STAU2: variants seen among roughly 807,000 people sequenced by gnomAD.
STAU2 encodes staufen double-stranded RNA binding protein 2.
STAU2 carries 20 observed loss-of-function variants against 65.9 expected under a neutral mutation model. That is an observed-to-expected ratio of 0.30 (90% confidence interval 0.21 to 0.44). The LOEUF (loss-of-function observed/expected upper bound fraction) is 0.44. Ranked by LOEUF, STAU2 falls within the 20% of genes least tolerant of loss-of-function variation. The pLI is 1.00. For synonymous variants in STAU2, 232 were observed against 233.9 expected (o/e 0.99, Z 0.07); for missense variants, 558 against 683.9 (o/e 0.82, Z 2.05).
At chr8:73,506,236 T>C (rs541239894) in intron 13 of STAU2, among the ~76,000 whole-genome samples, 2 of 152,272 alleles carry the variant, frequency 1.3e-5, no homozygotes, top group African/African-American at 4.8e-5. Context: ...TCTGAGAACA[T>C]TTTCATCACC....
At chr8:73,705,923 C>A (rs556083952) in intron 4 of STAU2, among the ~76,000 whole-genome samples, 2 of 152,058 alleles carry the variant, frequency 1.3e-5, no homozygotes, top group Non-Finnish European at 2.9e-5. Flanking sequence ...TGAGTCATTT[C>A]AGAGCTTTAA....
At chr8:73,720,270 C>CAAAAAAAAAAAAAAAA (rs145378789) in intron 3 of STAU2, among the ~76,000 whole-genome samples, 3 of 139,810 alleles carry the variant, frequency 2.1e-5, no homozygotes, top group African/African-American at 8.3e-5. Context: ...GACCCTGTCT[C>CAAAAAAAAAAAAAAAA]AAAAAAAAAG....
intron 10 of STAU2, among the ~76,000 whole-genome samples, chr8:73,596,799 T>C (rs1811222641): frequency 6.6e-6 from 1 of 152,082 alleles, no homozygotes; most frequent in South Asian, 2.1e-4. Flanking sequence ...CAGTGAACCG[T>C]GATCACATCA....
intron 6 of STAU2, among the ~76,000 whole-genome samples, chr8:73,640,525 G>A (rs1814876802): frequency 6.6e-6 from 1 of 152,144 alleles, no homozygotes; most frequent in African/African-American, 2.4e-5. Context: ...CAATACTGCT[G>A]TTGTATTGAG....
At chr8:73,672,942 A>T in intron 6 of STAU2, 165 bp downstream of exon 6, 1 of 583,852 alleles carries the variant, frequency 1.7e-6, no homozygotes. Flanking sequence ...GGGTTTCTTT[A>T]AGTTATTAAT....
At chr8:73,672,974 G>T in intron 6 of STAU2, 133 bp downstream of exon 6, 1 of 797,246 alleles carries the variant, frequency 1.3e-6, no homozygotes, top group Non-Finnish European at 1.7e-6. Context: ...TTGTGAACCT[G>T]CTTTATCTAA....
At chr8:73,651,392 A>C in intron 6 of STAU2, 1 of 668,184 alleles carries the variant, frequency 1.5e-6, no homozygotes, top group Non-Finnish European at 2.8e-6. Flanking sequence ...GGCCAGGGAA[A>C]TGCAGCTGTC....
intron 13 of STAU2, among the ~76,000 whole-genome samples, chr8:73,429,055 C>CA (rs139014545): frequency 7.2e-5 from 11 of 152,174 alleles, no homozygotes; most frequent in Non-Finnish European, 1.5e-4. Flanking sequence ...TAAAAGCTTC[C>CA]AAGGGGCAGT....
intron 13 of STAU2, among the ~76,000 whole-genome samples, chr8:73,467,958 A>G (rs376526686): frequency 6.6e-6 from 1 of 152,220 alleles, no homozygotes; most frequent in Admixed American, 6.5e-5. Context: ...AAACTACTTT[A>G]AAGTTCATAT....
At chr8:73,570,330 G>C (rs961512092) in intron 12 of STAU2, among the ~76,000 whole-genome samples, 1 of 152,172 alleles carries the variant, frequency 6.6e-6, no homozygotes, top group African/African-American at 2.4e-5. Context: ...CCAAATCTAC[G>C]TCTGATTGGT....
intron 12 of STAU2, among the ~76,000 whole-genome samples, chr8:73,571,958 G>A (rs1372848973): frequency 1.3e-5 from 2 of 152,090 alleles, no homozygotes; most frequent in Non-Finnish European, 2.9e-5. Context: ...AATGAATCCA[G>A]GAAGCGGTTT....
chr8:73,693,470 G>T lies in STAU2; in HGVS notation c.115-4657C>A, dbSNP rs1422289384. ...AGCCTGGGCGAAAGAGTGAGACTCCGTCTCAAAAAAAAAAAAAAAAAAGTG... is the reference window on the plus strand; with the variant it reads ...AGCCTGGGCGAAAGAGTGAGACTCCTTCTCAAAAAAAAAAAAAAAAAAGTG... On this transcript the variant is annotated intron_variant, in intron 4 of 14. Transcript: ENST00000524300. 2.3e-5 allele frequency among the ~76,000 whole-genome samples: 3 copies of T among 128,040 alleles called. No individual in the cohort carries two copies. The East Asian group carries it at 6.9e-4, about 29-fold the overall frequency. The allele number at this position is 128,040 out of a possible 152,430, so 84.0% of individuals were successfully genotyped here. A position where few individuals can be genotyped will look rare whatever the true frequency, so the allele number is the denominator to read the frequency against.
At chr8:73,423,311 G>T (rs1423634114) in intron 13 of STAU2, among the ~76,000 whole-genome samples, 2 of 152,234 alleles carry the variant, frequency 1.3e-5, no homozygotes, top group African/African-American at 4.8e-5. Context: ...TAGGCTCGGG[G>T]TGCGTGGGAA....
At chr8:73,632,279 C>G (rs1238030102) in intron 6 of STAU2, among the ~76,000 whole-genome samples, 1 of 151,300 alleles carries the variant, frequency 6.6e-6, no homozygotes, top group Non-Finnish European at 1.5e-5. Context: ...AAAAAAAAGT[C>G]TTGCTGCCTT....
rs1177148186 is a variant in STAU2 at position 73,720,803 on chromosome 8, C to T, written c.-17-11641G>A. Among the ~76,000 whole-genome samples the T allele has an allele frequency of 3.7e-5, 3 of 80,410 alleles. 1 individual carries two copies. Among genetic ancestry groups the T allele is most frequent in the South Asian group, 4.8e-4 (1 of 2,070 alleles). The allele number at this position is 80,410 out of a possible 152,430, so 52.8% of individuals were successfully genotyped here. A position where few individuals can be genotyped will look rare whatever the true frequency, so the allele number is the denominator to read the frequency against. ...CTGGGATTACAGGCGTGAGCCACCG[C>T]GCCCGGCCTAGTTTAAAATACTTTC... is the stretch of plus-strand genomic sequence containing the variant. On this transcript the variant is annotated intron_variant, in intron 3 of 14. Coordinates refer to ENST00000524300, the MANE Select transcript of STAU2 (RefSeq NM_001164380.2).
intron 12 of STAU2, among the ~76,000 whole-genome samples, chr8:73,574,146 C>T (rs1316278764): frequency 1.3e-5 from 2 of 152,140 alleles, no homozygotes; most frequent in East Asian, 1.9e-4. Flanking sequence ...CCAAAAGACA[C>T]ATGAAAAAAT....
At chr8:73,720,616 C>T (rs546415169) in intron 3 of STAU2, among the ~76,000 whole-genome samples, 1 of 108,542 alleles carries the variant, frequency 9.2e-6, no homozygotes, top group Admixed American at 9.4e-5. Flanking sequence ...GGGTTCACGC[C>T]ATTCTCCTGC....
chr8:73,720,467 T>C (rs1349801602), intron 3 of STAU2, among the ~76,000 whole-genome samples: 1 of 151,142 alleles, frequency 6.6e-6, no homozygotes, highest in East Asian at 1.9e-4. Flanking sequence ...CCTAATGTTG[T>C]ATTGCTGTTG....
intron 13 of STAU2, among the ~76,000 whole-genome samples, chr8:73,500,157 AATGGAGCATTGGTTCCAGGAACCCAC>A (rs1821658702): frequency 6.6e-6 from 1 of 151,908 alleles, no homozygotes; most frequent in Admixed American, 6.6e-5. Context: ...TCTCAGAAGC[AATGGAGCATTGGTTCCAGGAACCCAC>A]ATGGATACCC....
Sources: gnomAD v4.1 joint callset for allele counts (sites outside exome capture counted in the v4.1 genomes callset) on GRCh38, gnomAD v4.1.1 for gene constraint, MANE v1.5 for transcripts, NCBI Gene and HGNC (gene_info 2026-07-23, HGNC 2026-07-21) for gene names.